Variants in MED1 observed in about 807,000 individuals in gnomAD.
MED1 encodes mediator complex subunit 1, also known as mediator of RNA polymerase II transcription subunit 1.
Under a neutral mutation model 121.3 loss-of-function variants are expected in MED1, and 17 were observed. The ratio of observed to expected loss-of-function variants is 0.14; its 90% CI spans 0.10 to 0.21. The LOEUF (loss-of-function observed/expected upper bound fraction) is 0.21. Ranked by LOEUF, MED1 falls within the 10% of genes least tolerant of loss-of-function variation. The probability of loss-of-function intolerance (pLI) is 1.00; values close to 1 mark genes in which losing one functional copy is unlikely to be tolerated. For synonymous variants in MED1, 661 were observed against 694.4 expected, an observed-to-expected ratio of 0.95 and a Z score of 0.76; for missense variants, 1,558 against 1,919.4, an observed-to-expected ratio of 0.81 and a Z score of 3.52.
In MED1 at chr17:39,409,976, G is replaced by C. The variant is rs1315991013; in HGVS notation, c.2245C>G (p.Pro749Ala). 23 of 1,613,984 alleles carry C rather than the reference G, an allele frequency of 1.4e-5. No homozygotes were observed. Among genetic ancestry groups the C allele is most frequent in the Non-Finnish European group, 1.9e-5 (22 of 1,180,022 alleles). The part of the protein sequence containing the change: ...TPAPSQCSTP[P>A]TTYPQPVPHP... ...GGTACTGGTTGTGGGTAAGTTGTTGGGGGAGTGCTACACTGGCTTGGAGCT... is the reference window on the plus strand; with the variant it reads ...GGTACTGGTTGTGGGTAAGTTGTTGCGGGAGTGCTACACTGGCTTGGAGCT... The change falls in exon 17 of 17, where the codon CCA becomes GCA. Residue 749 changes from proline (P) to alanine (A), a missense_variant. Around this residue, in one of 5 missense-constraint regions of MED1, gnomAD observed 793 missense variants for 898.2 expected, o/e 0.88. Transcript: ENST00000300651.
At position 39,407,556 on chromosome 17, in the gene MED1, G is replaced by A. The variant is rs2048314344; in HGVS notation, c.4665C>T (p.Asp1555=). ...SMTSNTILSA[D]RPSRLSPDFM... is the part of the protein sequence containing the mutation. ...AGTCTGGGCTGAGCCTTGAGGGTCT[G>A]TCTGCAGATAAGATTGTGTTACTTG... The change falls in exon 17 of 17, where the codon GAC becomes GAT. Residue 1555 remains aspartate, a synonymous_variant. Coordinates refer to ENST00000300651, the MANE Select transcript of MED1 (RefSeq NM_004774.4). The A allele has an allele frequency of 6.2e-7, 1 of 1,614,100 alleles. No individual in the cohort carries two copies. The highest frequency in any genetic ancestry group is 1.3e-5 in the African/African-American group (1 of 75,018).
intron 14 of MED1, among the ~76,000 whole-genome samples, chr17:39,417,772 C>CTCTAA (rs1476385302): frequency 2.0e-5 from 3 of 152,146 alleles, no homozygotes; most frequent in Non-Finnish European, 4.4e-5. Context: ...CTATGGTTAG[C>CTCTAA]TAGAACAGCC....
At chr17:39,447,933 G>A in intron 1 of MED1, 29 bp from the exon 2 acceptor site, 1 of 1,453,348 alleles carries the variant, frequency 6.9e-7, no homozygotes, top group Non-Finnish European at 9.6e-7. Context: ...AACGTTATCA[G>A]TAACTGTTCT....
chr17:39,424,917 T>C (rs1218190595), intron 10 of MED1, among the ~76,000 whole-genome samples, 179 bp from the exon 11 acceptor site: 1 of 152,132 alleles, frequency 6.6e-6, no homozygotes, highest in Non-Finnish European at 1.5e-5. Flanking sequence ...TCTTGCTCTG[T>C]CACCCAGGCT....
chr17:39,416,771 A>G (rs558243695), intron 14 of MED1, among the ~76,000 whole-genome samples: 1 of 152,298 alleles, frequency 6.6e-6, no homozygotes, highest in East Asian at 1.9e-4. Context: ...GGAATGCCTG[A>G]GGCCAGGAGC....
intron 6 of MED1, among the ~76,000 whole-genome samples, chr17:39,436,583 T>G (rs1024532730): frequency 6.6e-6 from 1 of 151,992 alleles, no homozygotes; most frequent in Admixed American, 6.6e-5. Context: ...AGTGAAAAAA[T>G]CCACTATCTG....
chr17:39,409,492 A>G lies in MED1; in HGVS notation c.2729T>C (p.Met910Thr). The change falls in exon 17 of 17, where the codon ATG becomes ACG. Residue 910 changes from methionine (M) to threonine (T), a missense_variant. Around this residue, in one of 5 missense-constraint regions of MED1, gnomAD observed 793 missense variants for 898.2 expected, o/e 0.88. Coordinates refer to ENST00000300651, the MANE Select transcript of MED1 (RefSeq NM_004774.4). ...SQALNTLGVPMLGGDNGETKF... is the reference protein window; with the variant it reads ...SQALNTLGVPTLGGDNGETKF... ...GGTCTCCCCATTATCACCTCCAAGCATTGGCACCCCCAAAGTATTTAGTGC... is the reference window on the plus strand; with the variant it reads ...GGTCTCCCCATTATCACCTCCAAGCGTTGGCACCCCCAAAGTATTTAGTGC... The G allele has an allele frequency of 3.1e-6, 5 of 1,614,144 alleles. No homozygotes were observed. Among genetic ancestry groups the G allele is most frequent in the Non-Finnish European group, 4.2e-6 (5 of 1,180,028 alleles).
At chr17:39,422,381 C>T (rs546533652) in intron 13 of MED1, among the ~76,000 whole-genome samples, 1 of 148,858 alleles carries the variant, frequency 6.7e-6, no homozygotes, top group African/African-American at 2.5e-5. Flanking sequence ...GGCCAGGATG[C>T]TCTCGATCTC....
intron 1 of MED1, among the ~76,000 whole-genome samples, chr17:39,449,810 T>A (rs1255763405): frequency 1.4e-4 from 3 of 21,750 alleles, no homozygotes; most frequent in Admixed American, 6.2e-4. Context: ...ACACCCGGCC[T>A]TTTTTTTTTT....
At position 39,440,755 on chromosome 17, in the gene MED1, C is replaced by T. The variant is rs1597872722; in HGVS notation, c.212-78G>A. ...GATATTCTTTTAAGACAGAAAGATT[C>T]ATCCTTCCAAAACCGTAAACATATT... On this transcript the variant is annotated intron_variant, in intron 3 of 16. Coordinates refer to ENST00000300651, the MANE Select transcript of MED1 (RefSeq NM_004774.4). This position sits in a 1 kb window ranked among gnomAD's most constrained non-coding sequence, Gnocchi z 4.1. 5.9e-6 allele frequency: 8 copies of T among 1,355,372 alleles called. No homozygotes were observed. The East Asian group carries it at 1.6e-4, about 27-fold the overall frequency. 84.0% of individuals were successfully genotyped at this position (1,355,372 alleles called of 1,614,324 possible). A position where few individuals can be genotyped will look rare whatever the true frequency, so the allele number is the denominator to read the frequency against.
chr17:39,413,711 G>A (rs2048377060), intron 16 of MED1, among the ~76,000 whole-genome samples: 1 of 151,628 alleles, frequency 6.6e-6, no homozygotes, highest in African/African-American at 2.4e-5. Flanking sequence ...TCCAGCCTGG[G>A]TAACAGAGTG....
At chr17:39,417,419 G>A (rs1414261473) in intron 14 of MED1, among the ~76,000 whole-genome samples, 1 of 151,864 alleles carries the variant, frequency 6.6e-6, no homozygotes, top group Non-Finnish European at 1.5e-5. Flanking sequence ...ACGAGGTCAG[G>A]AGATCGAGAC....
At chr17:39,435,213 A>G (rs2048607102) in intron 6 of MED1, among the ~76,000 whole-genome samples, 2 of 152,152 alleles carry the variant, frequency 1.3e-5, no homozygotes, top group Admixed American at 6.6e-5. Flanking sequence ...GTGGGTATAC[A>G]GCAACATGAG....
intron 13 of MED1, 127 bp from the exon 14 acceptor site, chr17:39,420,045 C>A: frequency 1.4e-6 from 1 of 701,364 alleles, no homozygotes; most frequent in Non-Finnish European, 2.4e-6. Context: ...TTTTCATCAG[C>A]TGATATTATA....
Position 39,433,667 on chromosome 17 carries a change from C to T in MED1, c.500+582G>A, listed in dbSNP as rs567496569. ...CTACTAGTTTGAAGTGATCGTCCCA[C>T]CTTAGCCTCCGAAGTAGCTGGGACT... On this transcript the variant is annotated intron_variant, in intron 7 of 16. Coordinates refer to ENST00000300651, the MANE Select transcript of MED1 (RefSeq NM_004774.4). 1.3e-3 allele frequency among the ~76,000 whole-genome samples: 192 copies of T among 152,024 alleles called. 1 individual carries two copies. Among genetic ancestry groups the T allele is most frequent in the African/African-American group, 4.4e-3 (181 of 41,460 alleles).
chr17:39,409,301 C>G lies in MED1; in HGVS notation c.2920G>C (p.Glu974Gln). 6.2e-7 allele frequency: 1 copy of G among 1,614,116 alleles called. No individual in the cohort carries two copies. The highest frequency in any genetic ancestry group is 8.5e-7 in the Non-Finnish European group (1 of 1,180,030). Residue 974 changes from glutamate (E) to glutamine (Q), a missense_variant, in exon 17 of 17, where the codon GAA becomes CAA. Glu to Gln is a conservative substitution (Grantham distance 29). Coordinates refer to ENST00000300651, the MANE Select transcript of MED1 (RefSeq NM_004774.4). The stretch of plus-strand genomic sequence containing the variant: ...GTACTATTACTGGTGCCATTGCCTT[C>G]CTTTACCCTCTTTTGAGTCTTTTCT... ...GKEKTQKRVK[E>Q]GNGTSNSTLS...
At chr17:39,424,250 T>C (rs2048493531) in intron 11 of MED1, among the ~76,000 whole-genome samples, 2 of 152,176 alleles carry the variant, frequency 1.3e-5, no homozygotes, top group African/African-American at 2.4e-5. Flanking sequence ...AAAAGCTCAC[T>C]CTGTGAAACT....
chr17:39,423,517 T>G (rs2048486687), intron 12 of MED1, 72 bp from the exon 13 acceptor site: 1 of 1,431,698 alleles, frequency 7.0e-7, no homozygotes, highest in Non-Finnish European at 9.8e-7. Context: ...CCCCTTGATA[T>G]CTACATTCAT....
rs761106320 is a variant in MED1 at position 39,407,993 on chromosome 17, A to G, written c.4228T>C (p.Leu1410=). ...GSPSIKAKVT[L]QKPGESSGEG... ...CCACTACTTTCCCCAGGTTTCTGCA[A>G]AGTCACTTTGGCTTTAATGCTAGGG... Residue 1410 remains leucine (L), a synonymous_variant, in exon 17 of 17, where the codon TTG becomes CTG. Coordinates refer to ENST00000300651, the MANE Select transcript of MED1 (RefSeq NM_004774.4). 6.2e-7 allele frequency: 1 copy of G among 1,614,050 alleles called. No individual in the cohort carries two copies. Among genetic ancestry groups the G allele is most frequent in the Non-Finnish European group, 8.5e-7 (1 of 1,180,018 alleles).
Sources: allele counts gnomAD v4.1 joint callset (sites outside exome capture counted in the v4.1 genomes callset), GRCh38; gene constraint gnomAD v4.1.1; regional missense constraint gnomAD v4.1.1; non-coding constraint Gnocchi (gnomAD v3.1); transcripts MANE v1.5; gene names NCBI Gene and HGNC (gene_info 2026-07-23, HGNC 2026-07-21).